SIPA1L1: variants seen among roughly 807,000 people sequenced by gnomAD.
SIPA1L1 encodes the protein signal-induced proliferation-associated 1-like protein 1.
A neutral mutation model predicts 162.7 loss-of-function variants in SIPA1L1; 26 were observed. That is an observed-to-expected ratio of 0.16 (90% confidence interval 0.12 to 0.22). The LOEUF (loss-of-function observed/expected upper bound fraction) is 0.22. SIPA1L1 is among the 10% of genes least tolerant of loss of function. The pLI, the probability that SIPA1L1 is intolerant of heterozygous loss-of-function variation, is 1.00. For synonymous variants in SIPA1L1, 829 were observed against 837.4 expected (o/e 0.99, Z 0.17); for missense variants, 1,874 against 2,241.0 (o/e 0.84, Z 3.31).
chr14:71,644,796 G>A (rs1283681058), intron 7 of SIPA1L1, among the ~76,000 whole-genome samples: 1 of 152,136 alleles, frequency 6.6e-6, no homozygotes, highest in African/African-American at 2.4e-5. Flanking sequence ...TGTTTTTCCT[G>A]AAGTAACAGG....
intron 10 of SIPA1L1, among the ~76,000 whole-genome samples, chr14:71,670,396 A>G (rs1444759270): frequency 1.3e-5 from 2 of 152,208 alleles, no homozygotes; most frequent in Admixed American, 6.5e-5. Flanking sequence ...GAGAAGGAAA[A>G]TATTTTTCTT....
intron 5 of SIPA1L1, among the ~76,000 whole-genome samples, chr14:71,609,044 C>T (rs941179114): frequency 5.9e-5 from 9 of 152,096 alleles, no homozygotes; most frequent in Non-Finnish European, 1.2e-4. Flanking sequence ...TACATGCATA[C>T]TCCTTTTTAA....
chr14:71,615,203 T>C (rs542131933), intron 5 of SIPA1L1, among the ~76,000 whole-genome samples: 1 of 152,290 alleles, frequency 6.6e-6, no homozygotes, highest in African/African-American at 2.4e-5. Context: ...TTTTTTCAGA[T>C]GATAAAAGAC....
intron 2 of SIPA1L1, among the ~76,000 whole-genome samples, chr14:71,428,580 A>G (rs1595413335): frequency 6.6e-6 from 1 of 152,096 alleles, no homozygotes; most frequent in Admixed American, 6.6e-5. Context: ...TCTGGCCCTT[A>G]AAAGGGGTAA....
At chr14:71,687,455 T>G (rs140861340) in intron 13 of SIPA1L1, among the ~76,000 whole-genome samples, 30 of 152,360 alleles carry the variant, frequency 2.0e-4, no homozygotes, top group African/African-American at 7.0e-4. Context: ...CAGTGCTGTT[T>G]TCTTTCTCTC....
chr14:71,608,678 C>T (rs1331658381), intron 5 of SIPA1L1, among the ~76,000 whole-genome samples: 3 of 152,166 alleles, frequency 2.0e-5, no homozygotes, highest in Non-Finnish European at 2.9e-5. Context: ...AGGCAGATCA[C>T]GAGGTCAGGG....
intron 2 of SIPA1L1, among the ~76,000 whole-genome samples, chr14:71,420,580 T>C (rs984942493): frequency 1.3e-5 from 2 of 152,228 alleles, no homozygotes; most frequent in African/African-American, 4.8e-5. Flanking sequence ...AGTAACTATC[T>C]CTGCTATCAC....
chr14:71,698,872 T>C, intron 13 of SIPA1L1, 109 bp from the exon 14 acceptor site: 1 of 1,044,684 alleles, frequency 9.6e-7, no homozygotes, highest in South Asian at 1.5e-5. Context: ...TTTCACTATC[T>C]CCATGAAGTC....
intron 4 of SIPA1L1, among the ~76,000 whole-genome samples, chr14:71,542,557 C>T (rs2054535716): frequency 6.9e-6 from 1 of 145,326 alleles, no homozygotes; most frequent in Admixed American, 6.9e-5. Context: ...CCTCCTCCTC[C>T]TCTTCCTCCT....
chr14:71,329,029 T>G (rs1371337931), intron 2 of SIPA1L1, among the ~76,000 whole-genome samples: 1 of 152,234 alleles, frequency 6.6e-6, no homozygotes, highest in Non-Finnish European at 1.5e-5. Flanking sequence ...TCATGTAGTA[T>G]TTGTCTGTGT....
At chr14:71,436,635 A>G (rs1259549719) in intron 2 of SIPA1L1, among the ~76,000 whole-genome samples, 1 of 151,832 alleles carries the variant, frequency 6.6e-6, no homozygotes, top group Non-Finnish European at 1.5e-5. Context: ...ATTATTATAT[A>G]TTTATAACAT....
At chr14:71,618,947 A>G in intron 6 of SIPA1L1, 60 bp downstream of exon 6, 1 of 1,570,674 alleles carries the variant, frequency 6.4e-7, no homozygotes, top group Non-Finnish European at 8.7e-7. Flanking sequence ...AGCAAATAGT[A>G]GCAGTAGCAA....
intron 2 of SIPA1L1, among the ~76,000 whole-genome samples, chr14:71,422,114 T>C (rs1031655563): frequency 1.1e-4 from 17 of 152,216 alleles, no homozygotes; most frequent in African/African-American, 3.9e-4. Context: ...TGCCAAACTT[T>C]TAGCCTGGGA....
chr14:71,616,580 A>T (rs932109668), intron 5 of SIPA1L1, among the ~76,000 whole-genome samples: 2 of 142,178 alleles, frequency 1.4e-5, no homozygotes, highest in Non-Finnish European at 3.1e-5. Context: ...GGAATGGGCA[A>T]ATGGGTGGGG....
At chr14:71,591,209 G>C (rs1163693891) in intron 5 of SIPA1L1, among the ~76,000 whole-genome samples, 12 of 152,096 alleles carry the variant, frequency 7.9e-5, no homozygotes. Flanking sequence ...ACCAGGCACT[G>C]TACTAGGCAT....
At chr14:71,594,999 C>CT (rs1388748744) in intron 5 of SIPA1L1, among the ~76,000 whole-genome samples, 2 of 152,138 alleles carry the variant, frequency 1.3e-5, no homozygotes, top group Non-Finnish European at 2.9e-5. Context: ...TCACTGTGAT[C>CT]TCAAAGTCCC....
chr14:71,552,798 T>G (rs187771668), intron 4 of SIPA1L1, among the ~76,000 whole-genome samples: 1 of 152,298 alleles, frequency 6.6e-6, no homozygotes, highest in Admixed American at 6.5e-5. Context: ...CCGAGTGCCT[T>G]GGAGCCTTCC....
intron 16 of SIPA1L1, among the ~76,000 whole-genome samples, chr14:71,705,861 CACTT>C (rs1216036681): frequency 6.6e-6 from 1 of 152,076 alleles, no homozygotes; most frequent in Non-Finnish European, 1.5e-5. Flanking sequence ...AATTCCTTCT[CACTT>C]ACAGTAAAAT....
At chr14:71,625,162 G>A (rs1368472374) in intron 7 of SIPA1L1, among the ~76,000 whole-genome samples, 1 of 151,922 alleles carries the variant, frequency 6.6e-6, no homozygotes, top group African/African-American at 2.4e-5. Flanking sequence ...ATTTGGATAG[G>A]ATTTCCTTAA....
Sources: allele counts gnomAD v4.1 joint callset (sites outside exome capture counted in the v4.1 genomes callset), GRCh38; gene constraint gnomAD v4.1.1; transcripts MANE v1.5; gene names NCBI Gene and HGNC (gene_info 2026-07-23, HGNC 2026-07-21).